FHOD3: variants seen among roughly 807,000 people sequenced by gnomAD.
FHOD3 encodes formin homology 2 domain containing 3.
A neutral mutation model predicts 173.0 loss-of-function variants in FHOD3; 90 were observed. The ratio of observed to expected loss-of-function variants is 0.52; its 90% confidence interval spans 0.44 to 0.62. The LOEUF (loss-of-function observed/expected upper bound fraction) is 0.62, where lower values mean the gene tolerates loss of function less well. Among genes scored for constraint, FHOD3 ranks in the 20% least tolerant of loss-of-function variants. The pLI is 0.00. For missense variants in FHOD3, 1,945 were observed against 2,034.7 expected (o/e 0.96, Z 0.85); for synonymous variants, 828 against 823.0 (o/e 1.01, Z -0.10).
chr18:36,493,213 C>CTTTTTTTTTTTTTT (rs60189688), intron 3 of FHOD3, among the ~76,000 whole-genome samples: 1 of 138,154 alleles, frequency 7.2e-6, no homozygotes, highest in African/African-American at 2.7e-5. Context: ...TTTTCTTTTT[C>CTTTTTTTTTTTTTT]TTTTTTTTTT....
Position 36,510,084 on chromosome 18 carries a change from G to A in FHOD3, c.406-2354G>A, listed in dbSNP as rs529309683. ...CCATCATCTCTCATGTTTTCTAGGT[G>A]TGGAAGTTCTTTTCCAAACTAAATT... On this transcript the variant is annotated intron_variant, in intron 4 of 28. Transcript: ENST00000590592. Among the ~76,000 whole-genome samples the A allele has an allele frequency of 2.6e-5, 4 of 152,286 alleles. No individual in the cohort carries two copies. In the South Asian group the frequency reaches 8.3e-4, roughly 32 times the overall value.
chr18:36,423,447 T>G (rs966253797), intron 3 of FHOD3, among the ~76,000 whole-genome samples: 2 of 152,124 alleles, frequency 1.3e-5, no homozygotes, highest in Non-Finnish European at 2.9e-5. Flanking sequence ...CTAACAACAT[T>G]TTGTCATGGT....
chr18:36,333,035 T>C (rs62084125), intron 1 of FHOD3, among the ~76,000 whole-genome samples: 3,272 of 152,298 alleles, frequency 0.021, 50 homozygotes, highest in Non-Finnish European at 0.03. Flanking sequence ...GAGCAAAGAT[T>C]GTTTTCATTC....
intron 18 of FHOD3, among the ~76,000 whole-genome samples, chr18:36,715,160 T>G (rs547392119): frequency 1.3e-5 from 2 of 152,320 alleles, no homozygotes; most frequent in South Asian, 4.2e-4. Context: ...AATCTCATCT[T>G]GAATTATAGT....
At chr18:36,373,266 C>T (rs2047279241) in intron 3 of FHOD3, among the ~76,000 whole-genome samples, 1 of 152,034 alleles carries the variant, frequency 6.6e-6, no homozygotes, top group Non-Finnish European at 1.5e-5. Context: ...TGGTAATGGG[C>T]CAAGTTGCGG....
intron 1 of FHOD3, among the ~76,000 whole-genome samples, chr18:36,335,119 C>G (rs1001264550): frequency 2.6e-5 from 4 of 152,186 alleles, no homozygotes; most frequent in Non-Finnish European, 5.9e-5. Flanking sequence ...TTTGGCTTCC[C>G]TGGGCCACAC....
At chr18:36,306,409 G>T (rs538502164) in intron 1 of FHOD3, among the ~76,000 whole-genome samples, 1 of 152,356 alleles carries the variant, frequency 6.6e-6, no homozygotes, top group South Asian at 2.1e-4. Context: ...GTCTGGTGGG[G>T]TGGAGGCTTC....
chr18:36,389,151 T>C (rs2048174332), intron 3 of FHOD3, among the ~76,000 whole-genome samples: 1 of 151,692 alleles, frequency 6.6e-6, no homozygotes, highest in South Asian at 2.1e-4. Flanking sequence ...AGCTTTTATT[T>C]GCGAATAAAG....
At chr18:36,594,721 G>T in intron 6 of FHOD3, 66 bp from the exon 7 acceptor site, 1 of 1,165,694 alleles carries the variant, frequency 8.6e-7, no homozygotes, top group Non-Finnish European at 1.3e-6. Context: ...GCTGCGGTTA[G>T]GAAGATGCTC....
chr18:36,601,086 A>G (rs906618900), intron 7 of FHOD3, among the ~76,000 whole-genome samples: 1 of 152,222 alleles, frequency 6.6e-6, no homozygotes, highest in Admixed American at 6.5e-5. Flanking sequence ...CAGTGGTTGG[A>G]AGAACAACTA....
chr18:36,616,802 A>T (rs182968766), intron 9 of FHOD3, among the ~76,000 whole-genome samples: 26 of 152,340 alleles, frequency 1.7e-4, no homozygotes, highest in Non-Finnish European at 3.1e-4. Context: ...CTAAATCAGA[A>T]TTGGCTAATC....
Position 36,652,931 on chromosome 18 carries a change from T to C in FHOD3, c.1646+2T>C. ...AGCAGAGTCCCAGAAGGAAAACAGG[T>C]AGATTTGCTCACCTGGAGGCTTGTT... On this transcript the variant is annotated splice_donor_variant, in intron 12 of 28. Transcript: ENST00000590592. LOFTEE classifies it high-confidence loss of function. The C allele has an allele frequency of 1.3e-6, 2 of 1,528,218 alleles. No homozygotes were observed. The highest frequency in any genetic ancestry group is 1.8e-6 in the Non-Finnish European group (2 of 1,141,202). 94.7% of individuals were successfully genotyped at this position (1,528,218 alleles called of 1,614,324 possible). A position where few individuals can be genotyped will look rare whatever the true frequency, so the allele number is the denominator to read the frequency against.
intron 6 of FHOD3, among the ~76,000 whole-genome samples, chr18:36,581,594 C>T (rs868404305): frequency 6.6e-6 from 1 of 152,320 alleles, no homozygotes; most frequent in Middle Eastern, 3.4e-3. Context: ...TTCCTTTCTA[C>T]TTGTGTGAGG....
At chr18:36,755,367 C>G (rs943474907) in intron 25 of FHOD3, 56 bp downstream of exon 25, 91 of 961,830 alleles carry the variant, frequency 9.5e-5, no homozygotes, top group Non-Finnish European at 1.2e-4. Context: ...TAAGATCAGT[C>G]AGGAATCCTC....
chr18:36,587,745 C>T (rs962690063), intron 6 of FHOD3, among the ~76,000 whole-genome samples: 4 of 151,902 alleles, frequency 2.6e-5, no homozygotes, highest in East Asian at 1.9e-4. Context: ...GAGCTGAGAT[C>T]GCGCCATTGC....
chr18:36,475,716 G>T (rs929826498), intron 3 of FHOD3, among the ~76,000 whole-genome samples: 3 of 150,952 alleles, frequency 2.0e-5, no homozygotes, highest in African/African-American at 7.3e-5. Flanking sequence ...ATAGAGGTGG[G>T]ATTACAGGAG....
At chr18:36,394,325 T>A (rs2048446925) in intron 3 of FHOD3, among the ~76,000 whole-genome samples, 1 of 152,178 alleles carries the variant, frequency 6.6e-6, no homozygotes, top group Non-Finnish European at 1.5e-5. Context: ...ATTTTTACTT[T>A]ACAAAATAGA....
rs528147981 is a variant in FHOD3 at position 36,388,636 on chromosome 18, G to T, written c.337+15892G>T. On this transcript the variant is annotated intron_variant, in intron 3 of 28. Transcript: ENST00000590592. ...CAGATCCATCCCCAGGGTCTCCTGGGCAGGGATGGCCGAGTCCCTTCCCCT... is the reference window on the plus strand; with the variant it reads ...CAGATCCATCCCCAGGGTCTCCTGGTCAGGGATGGCCGAGTCCCTTCCCCT... Among the ~76,000 whole-genome samples, 316 of 152,250 alleles carry T rather than the reference G, an allele frequency of 2.1e-3. 1 individual carries two copies. Among genetic ancestry groups the T allele is most frequent in the African/African-American group, 7.2e-3 (299 of 41,542 alleles).
intron 9 of FHOD3, among the ~76,000 whole-genome samples, chr18:36,617,582 CCTGTGT>C (rs770513920): frequency 5.2e-4 from 32 of 61,378 alleles, no homozygotes; most frequent in South Asian, 1.8e-3. Context: ...CTTGTACTTC[CCTGTGT>C]GTGTGTGTGT....
Sources: allele counts gnomAD v4.1 joint callset (sites outside exome capture counted in the v4.1 genomes callset), GRCh38; gene constraint gnomAD v4.1.1; transcripts MANE v1.5; gene names NCBI Gene and HGNC (gene_info 2026-07-23, HGNC 2026-07-21).